The following GBF1 variants were observed in gnomAD, a reference collection of about 807,000 sequenced individuals.
GBF1 encodes Golgi-specific brefeldin A-resistance guanine nucleotide exchange factor 1.
A neutral mutation model predicts 210.5 loss-of-function variants in GBF1; 114 were observed. The ratio of observed to expected loss-of-function variants is 0.54; its 90% CI spans 0.47 to 0.63. The LOEUF is 0.63. Ranked by LOEUF, GBF1 falls within the 30% of genes least tolerant of loss-of-function variation. GBF1 has a pLI of 0.00. For synonymous variants in GBF1, 850 were observed against 889.2 expected (o/e 0.96, Z 0.78); for missense variants, 1,851 against 2,357.7 (o/e 0.79, Z 4.45).
chr10:102,260,769 G>T (rs150985186), intron 3 of GBF1, among the ~76,000 whole-genome samples: 11 of 151,956 alleles, frequency 7.2e-5, no homozygotes, highest in Admixed American at 5.9e-4. Flanking sequence ...GAGCCACTGC[G>T]CCTGGCCTAT....
chr10:102,355,847 C>G (rs764253215), intron 8 of GBF1, among the ~76,000 whole-genome samples: 3 of 152,182 alleles, frequency 2.0e-5, no homozygotes, highest in Non-Finnish European at 4.4e-5. Context: ...GATCTCTTGG[C>G]CTCTTGCCCT....
intron 1 of GBF1, among the ~76,000 whole-genome samples, chr10:102,250,916 C>A (rs1423567111): frequency 6.6e-6 from 1 of 151,796 alleles, no homozygotes; most frequent in East Asian, 1.9e-4. Flanking sequence ...GAGATTGCGC[C>A]ACTGCACTCC....
intron 3 of GBF1, among the ~76,000 whole-genome samples, chr10:102,286,067 G>C (rs2133549251): frequency 6.6e-6 from 1 of 152,180 alleles, no homozygotes; most frequent in African/African-American, 2.4e-5. Context: ...GTGTTGTTGG[G>C]TTTGCAAATT....
intron 3 of GBF1, among the ~76,000 whole-genome samples, chr10:102,312,724 A>C (rs537166997): frequency 6.6e-6 from 1 of 152,204 alleles, no homozygotes; most frequent in Non-Finnish European, 1.5e-5. Context: ...TCTTCAGCAG[A>C]TAGAGCTTTG....
chr10:102,287,028 T>A (rs2076008542), intron 3 of GBF1, among the ~76,000 whole-genome samples: 1 of 152,150 alleles, frequency 6.6e-6, no homozygotes, highest in Non-Finnish European at 1.5e-5. Flanking sequence ...AGAAGGACAA[T>A]TCATTCCCTC....
Position 102,366,576 on chromosome 10 carries a change from T to C in GBF1, c.2433+70T>C, listed in dbSNP as rs1214320244. 4.5e-5 allele frequency: 51 copies of C among 1,122,692 alleles called. No individual in the cohort carries two copies. Among genetic ancestry groups the C allele is most frequent in the Non-Finnish European group, 6.3e-5 (50 of 790,940 alleles). The allele number at this position is 1,122,692 out of a possible 1,614,324, so 69.5% of individuals were successfully genotyped here. On this transcript the variant is annotated intron_variant, in intron 19 of 39. Coordinates refer to ENST00000369983, the MANE Select transcript of GBF1 (RefSeq NM_001377137.1). This position sits in a 1 kb window ranked among gnomAD's most constrained non-coding sequence, Gnocchi z 4.0. ...TTGACTGAGGGCTGAAGAATCCAGCTGCTGTCTCTTTTTTTTTTTTTTTTT... is the reference window on the plus strand; with the variant it reads ...TTGACTGAGGGCTGAAGAATCCAGCCGCTGTCTCTTTTTTTTTTTTTTTTT...
At chr10:102,322,140 G>A (rs958835075) in intron 3 of GBF1, among the ~76,000 whole-genome samples, 2 of 152,210 alleles carry the variant, frequency 1.3e-5, no homozygotes, top group Admixed American at 6.5e-5. Flanking sequence ...GATTACAGGC[G>A]CAAGCCAAGC....
At chr10:102,261,615 C>CTTTTTT in intron 3 of GBF1, among the ~76,000 whole-genome samples, 1 of 116,098 alleles carries the variant, frequency 8.6e-6, no homozygotes, top group African/African-American at 3.4e-5. Context: ...TTCTTTCTTT[C>CTTTTTT]TTTTTTTTTT....
intron 8 of GBF1, among the ~76,000 whole-genome samples, chr10:102,356,675 G>A (rs1402595548): frequency 6.6e-6 from 1 of 151,276 alleles, no homozygotes; most frequent in Non-Finnish European, 1.5e-5. Context: ...ACTGAGGCAG[G>A]AGAATGGCGT....
intron 29 of GBF1, among the ~76,000 whole-genome samples, chr10:102,372,235 G>A (rs1265488111): frequency 2.0e-5 from 3 of 149,824 alleles, no homozygotes; most frequent in African/African-American, 4.9e-5. Context: ...ACTTACTCTC[G>A]GCTGGACACA....
rs957086156 is a variant in GBF1 at position 102,352,617 on chromosome 10, G to A, written c.584+99G>A. The A allele has an allele frequency of 3.8e-5, 30 of 781,854 alleles. No individual in the cohort carries two copies. In the East Asian group the frequency reaches 4.2e-4, roughly 11 times the overall value. 48.4% of individuals were successfully genotyped at this position (781,854 alleles called of 1,614,324 possible). On this transcript the variant is annotated intron_variant, in intron 7 of 39. Transcript: ENST00000369983. ...CAGGGACCTGGCCAACCCCACAGCC[G>A]CATCAGAGGCCACTGGGATTATGGA...
chr10:102,263,740 CTG>C (rs1447689362), intron 3 of GBF1, among the ~76,000 whole-genome samples: 3 of 152,140 alleles, frequency 2.0e-5, no homozygotes, highest in African/African-American at 7.2e-5. Context: ...TTTGCCTAAA[CTG>C]TATGATGACT....
At chr10:102,381,352 T>A in intron 39 of GBF1, 97 bp downstream of exon 39, 1 of 1,306,162 alleles carries the variant, frequency 7.7e-7, no homozygotes, top group Non-Finnish European at 1.1e-6. Context: ...GAGCAGGGTC[T>A]GTGAGCCGAG....
At chr10:102,254,019 T>C (rs887095893) in intron 1 of GBF1, among the ~76,000 whole-genome samples, 4 of 152,220 alleles carry the variant, frequency 2.6e-5, no homozygotes, top group African/African-American at 9.7e-5. Context: ...TCTTATAGTT[T>C]TGTAGCAGTT....
At chr10:102,281,063 G>C (rs1430341718) in intron 3 of GBF1, among the ~76,000 whole-genome samples, 3 of 152,126 alleles carry the variant, frequency 2.0e-5, no homozygotes, top group Admixed American at 1.3e-4. Flanking sequence ...TTGAAGTTGG[G>C]AGTAGAGATC....
At chr10:102,354,913 CT>C (rs5787452) in intron 8 of GBF1, among the ~76,000 whole-genome samples, 49,250 of 132,882 alleles carry the variant, frequency 0.37, 7,609 homozygotes, top group South Asian at 0.5. Flanking sequence ...TAGTTGGGAT[CT>C]TTTTTTTTTT....
intron 10 of GBF1, among the ~76,000 whole-genome samples, 178 bp downstream of exon 10, chr10:102,358,907 TCA>T (rs2134982383): frequency 6.6e-6 from 1 of 152,302 alleles, no homozygotes; most frequent in East Asian, 1.9e-4. Context: ...ACAGCATGAC[TCA>T]CTGTGAGAGA....
chr10:102,287,161 T>TC (rs2076017542), intron 3 of GBF1, among the ~76,000 whole-genome samples: 1 of 152,038 alleles, frequency 6.6e-6, no homozygotes, highest in Non-Finnish European at 1.5e-5. Flanking sequence ...ATGGTACATT[T>TC]CCCCATCAAA....
intron 3 of GBF1, among the ~76,000 whole-genome samples, chr10:102,337,590 G>A (rs922708819): frequency 6.6e-6 from 1 of 152,052 alleles, no homozygotes; most frequent in African/African-American, 2.4e-5. Context: ...GGAGACTCAC[G>A]CCTGTAATCA....
Sources: gnomAD v4.1 joint callset for allele counts (sites outside exome capture counted in the v4.1 genomes callset) on GRCh38, gnomAD v4.1.1 for gene constraint, Gnocchi (gnomAD v3.1) non-coding constraint, MANE v1.5 for transcripts, NCBI Gene and HGNC (gene_info 2026-07-23, HGNC 2026-07-21) for gene names.